Variants in AP2M1 observed in about 807,000 individuals in gnomAD.
AP2M1 encodes adaptor related protein complex 2 subunit mu 1, also known as AP-2 complex subunit mu.
A neutral mutation model predicts 54.5 loss-of-function variants in AP2M1; 5 were observed. That is an observed-to-expected ratio of 0.09 (90% confidence interval 0.05 to 0.19). AP2M1 has a LOEUF of 0.19. AP2M1 is among the 10% of genes least tolerant of loss of function. AP2M1 has a pLI of 1.00. For missense variants in AP2M1, 178 were observed against 580.2 expected (o/e 0.31, Z 7.12); for synonymous variants, 186 against 208.2 (o/e 0.89, Z 0.92).
chr3:184,178,831 A>G lies in AP2M1; in HGVS notation c.75-26A>G, dbSNP rs1306846097. ...GGTAAGGTTCACCTGGGTGCTGAGC[A>G]GGCCCTATGCACTCTTTTCCCTCAG... On this transcript the variant is annotated intron_variant, in intron 2 of 11. Transcript: ENST00000292807. This position sits in a 1 kb window ranked among gnomAD's most constrained non-coding sequence, Gnocchi z 4.9. 2 of 1,610,192 alleles carry G rather than the reference A, an allele frequency of 1.2e-6. No individual in the cohort carries two copies. The highest frequency in any genetic ancestry group is 2.2e-5 in the South Asian group (2 of 90,870).
chr3:184,180,361 TG>T lies in AP2M1; in HGVS notation c.423+111del. The T allele has an allele frequency of 4.4e-6, 6 of 1,365,780 alleles. No homozygotes were observed. Among genetic ancestry groups the T allele is most frequent in the Non-Finnish European group, 6.1e-6 (6 of 988,654 alleles). The allele number at this position is 1,365,780 out of a possible 1,614,324, so 84.6% of individuals were successfully genotyped here. On this transcript the variant is annotated intron_variant, in intron 4 of 11. Coordinates refer to ENST00000292807, the MANE Select transcript of AP2M1 (RefSeq NM_004068.4). This position sits in a 1 kb window ranked among gnomAD's most constrained non-coding sequence, Gnocchi z 4.9. ...TCATGAGCCCTCCCATGACAGGAAG[TG>T]CTGGCCTGAGCCTCCTGCCATGATT...
In AP2M1 at chr3:184,182,676, T is replaced by G. The variant is rs1715312915; in HGVS notation, c.1062-81T>G. 1.0e-5 allele frequency: 13 copies of G among 1,238,628 alleles called. No homozygotes were observed. Among genetic ancestry groups the G allele is most frequent in the Non-Finnish European group, 1.5e-5 (13 of 857,140 alleles). 76.7% of individuals were successfully genotyped at this position (1,238,628 alleles called of 1,614,324 possible). A position where few individuals can be genotyped will look rare whatever the true frequency, so the allele number is the denominator to read the frequency against. ...TGGCACCTCCTGCAAGCTCCTGGGC[T>G]CTCTCCTTGCTTGAAATGGGCAACT... On this transcript the variant is annotated intron_variant, in intron 10 of 11. Transcript: ENST00000292807. The surrounding 1 kb of genome is among the most constrained non-coding windows in gnomAD (Gnocchi z 5.5).
intron 1 of AP2M1, 55 bp downstream of exon 1, chr3:184,175,014 C>G (rs76118461): frequency 0.015 from 6,126 of 398,240 alleles, 342 homozygotes; most frequent in African/African-American, 0.11. Context: ...GGTCGTCTGC[C>G]TCGCCGCGCA....
In AP2M1 at chr3:184,182,740, T is replaced by TGTCC. The variant is rs1715315399; in HGVS notation, c.1062-16_1062-13dup. 6.2e-7 allele frequency: 1 copy of TGTCC among 1,610,532 alleles called. No homozygotes were observed. Among genetic ancestry groups the TGTCC allele is most frequent in the Non-Finnish European group, 8.5e-7 (1 of 1,177,188 alleles). On this transcript the variant is annotated splice_polypyrimidine_tract_variant and intron_variant, in intron 10 of 11. Coordinates refer to ENST00000292807, the MANE Select transcript of AP2M1 (RefSeq NM_004068.4). This position sits in a 1 kb window ranked among gnomAD's most constrained non-coding sequence, Gnocchi z 5.5. Reference sequence around the variant, plus strand: ...CTCCAAGCCCCAATGGGCTGCCCATTGTCCCTGTGTTCCCAGGATCAAGCG... The same window carrying TGTCC: ...CTCCAAGCCCCAATGGGCTGCCCATTGTCCGTCCCTGTGTTCCCAGGATCAAGCG...
At chr3:184,177,174 C>T in intron 2 of AP2M1, 107 bp downstream of exon 2, 1 of 1,109,506 alleles carries the variant, frequency 9.0e-7, no homozygotes, top group Non-Finnish European at 1.3e-6. Context: ...GCCACCCTGA[C>T]CCCTGGCTGC....
chr3:184,176,541 A>C (rs1246472831), intron 1 of AP2M1, among the ~76,000 whole-genome samples: 2 of 152,180 alleles, frequency 1.3e-5, no homozygotes, highest in African/African-American at 4.8e-5. Context: ...GGCCTGAACC[A>C]ACTGGAGTAA....
rs756119080 is a variant in AP2M1 at position 184,182,959 on chromosome 3, A to T, written c.1173+91A>T. On this transcript the variant is annotated intron_variant, in intron 11 of 11. Transcript: ENST00000292807. The surrounding 1 kb of genome is among the most constrained non-coding windows in gnomAD (Gnocchi z 5.5). ...GATAAACTGCTGCACCTTAGAGGTG[A>T]GGAAACTGAGGCCTAGAAAGAAGAA... The T allele has an allele frequency of 9.6e-7, 1 of 1,036,698 alleles. No homozygotes were observed. The highest frequency in any genetic ancestry group is 1.5e-6 in the Non-Finnish European group (1 of 673,770). 64.2% of individuals were successfully genotyped at this position (1,036,698 alleles called of 1,614,324 possible). A position where few individuals can be genotyped will look rare whatever the true frequency, so the allele number is the denominator to read the frequency against.
chr3:184,176,821 C>T (rs1715088617), intron 1 of AP2M1, 130 bp from the exon 2 acceptor site: 1 of 565,624 alleles, frequency 1.8e-6, no homozygotes, highest in Middle Eastern at 3.8e-4. Context: ...AGGGGCATGT[C>T]TGGGAGGGCT....
At chr3:184,176,707 G>C (rs1433942088) in intron 1 of AP2M1, 2 of 464,894 alleles carry the variant, frequency 4.3e-6, no homozygotes, top group Admixed American at 4.2e-5. Context: ...TCAGCCCCAG[G>C]AAAGGGAGGG....
chr3:184,178,084 G>GTCT lies in AP2M1; in HGVS notation c.75-771_75-769dup. On this transcript the variant is annotated intron_variant, in intron 2 of 11. Transcript: ENST00000292807. This position sits in a 1 kb window ranked among gnomAD's most constrained non-coding sequence, Gnocchi z 4.9. ...GGCCAGGTCACACGCCGCCTTGCCTGTCTTGTCTGCTTCTGCCTCACGGTG... is the reference window on the plus strand; with the variant it reads ...GGCCAGGTCACACGCCGCCTTGCCTGTCTTCTTGTCTGCTTCTGCCTCACGGTG... 1 of 1,171,632 alleles carries GTCT rather than the reference G, an allele frequency of 8.5e-7. No homozygotes were observed. The highest frequency in any genetic ancestry group is 1.3e-5 in the South Asian group (1 of 76,474). 72.6% of individuals were successfully genotyped at this position (1,171,632 alleles called of 1,614,324 possible).
At chr3:184,176,177 G>A (rs1226822872) in intron 1 of AP2M1, among the ~76,000 whole-genome samples, 1 of 152,040 alleles carries the variant, frequency 6.6e-6, no homozygotes, top group South Asian at 2.1e-4. Context: ...ATGAGCCTGC[G>A]CCACCCCCAC....
chr3:184,179,290 A>T, intron 3 of AP2M1, 168 bp downstream of exon 3: 1 of 814,602 alleles, frequency 1.2e-6, no homozygotes, highest in Non-Finnish European at 1.9e-6. Context: ...AGGCCAGTTC[A>T]CATCCAGACC....
chr3:184,182,002 C>T lies in AP2M1; in HGVS notation c.918C>T (p.Val306=). 6.2e-7 allele frequency: 1 copy of T among 1,614,140 alleles called. No individual in the cohort carries two copies. Among genetic ancestry groups the T allele is most frequent in the South Asian group, 1.1e-5 (1 of 91,062 alleles). ...GCACCAAACTGGAGGTCAAGGTGGT[C>T]ATCAAGTCCAACTTTAAACCCTCAC... is the stretch of plus-strand genomic sequence containing the variant. ...VGRTKLEVKV[V]IKSNFKPSLL... Residue 306 remains valine (V), a synonymous_variant, in exon 9 of 12, where the codon GTC becomes GTT. Coordinates refer to ENST00000292807, the MANE Select transcript of AP2M1 (RefSeq NM_004068.4). This position sits in a 1 kb window ranked among gnomAD's most constrained non-coding sequence, Gnocchi z 5.5.
Position 184,178,086 on chromosome 3 carries a change from C to A in AP2M1, c.75-771C>A. On this transcript the variant is annotated intron_variant, in intron 2 of 11. Coordinates refer to ENST00000292807, the MANE Select transcript of AP2M1 (RefSeq NM_004068.4). The surrounding 1 kb of genome is among the most constrained non-coding windows in gnomAD (Gnocchi z 4.9). Reference sequence around the variant, plus strand: ...CCAGGTCACACGCCGCCTTGCCTGTCTTGTCTGCTTCTGCCTCACGGTGTG... The same window carrying A: ...CCAGGTCACACGCCGCCTTGCCTGTATTGTCTGCTTCTGCCTCACGGTGTG... The A allele has an allele frequency of 1.7e-6, 2 of 1,165,344 alleles. No homozygotes were observed. The highest frequency in any genetic ancestry group is 1.2e-6 in the Non-Finnish European group (1 of 815,484). The allele number at this position is 1,165,344 out of a possible 1,614,324, so 72.2% of individuals were successfully genotyped here. A position where few individuals can be genotyped will look rare whatever the true frequency, so the allele number is the denominator to read the frequency against.
At chr3:184,175,119 G>C in intron 1 of AP2M1, 160 bp downstream of exon 1, 2 of 395,870 alleles carry the variant, frequency 5.1e-6, no homozygotes, top group Non-Finnish European at 8.9e-6. Flanking sequence ...CGGTGGGGCG[G>C]GGGCGCCCGG....
chr3:184,175,227 A>T (rs1280999694), intron 1 of AP2M1: 1 of 372,670 alleles, frequency 2.7e-6, no homozygotes, highest in Non-Finnish European at 4.8e-6. Flanking sequence ...CCAGAGCAGG[A>T]ACGCTGCGCA....
In AP2M1 at chr3:184,181,725, G is replaced by T; in HGVS notation, c.737G>T (p.Cys246Phe). The T allele has an allele frequency of 6.2e-7, 1 of 1,614,016 alleles. No homozygotes were observed. The highest frequency in any genetic ancestry group is 2.2e-5 in the East Asian group (1 of 44,874). The change falls in exon 8 of 12, where the codon TGC becomes TTC. Residue 246 changes from cysteine (C) to phenylalanine (F), a missense_variant. By Grantham distance (205) the Cys-to-Phe change is radical. Around this residue, in one of 5 missense-constraint regions of AP2M1, gnomAD observed 115 missense variants for 331.2 expected, o/e 0.35. Transcript: ENST00000292807. The surrounding 1 kb of genome is among the most constrained non-coding windows in gnomAD (Gnocchi z 5.7). ...AAGCAATCAATTGCCATTGATGACT[G>T]CACCTTCCACCAGTGTGTGCGACTC... is the stretch of plus-strand genomic sequence containing the variant. ...SGKQSIAIDDCTFHQCVRLSK... is the reference protein window; with the variant it reads ...SGKQSIAIDDFTFHQCVRLSK...
Position 184,182,332 on chromosome 3 carries a change from G to T in AP2M1, c.1061+84G>T. The T allele has an allele frequency of 7.0e-7, 1 of 1,435,184 alleles. No homozygotes were observed. The highest frequency in any genetic ancestry group is 2.4e-5 in the East Asian group (1 of 40,946). The allele number at this position is 1,435,184 out of a possible 1,614,324, so 88.9% of individuals were successfully genotyped here. The stretch of plus-strand genomic sequence containing the variant: ...TTTCAGCTTTGATCCTTCTGAATGA[G>T]GGGCAGGGGAGTGTGCCTGTTTGCT... On this transcript the variant is annotated intron_variant, in intron 10 of 11. Transcript: ENST00000292807. This position sits in a 1 kb window ranked among gnomAD's most constrained non-coding sequence, Gnocchi z 5.5.
At position 184,178,738 on chromosome 3, in the gene AP2M1, G is replaced by T; in HGVS notation, c.75-119G>T. 7.7e-7 allele frequency: 1 copy of T among 1,300,732 alleles called. No individual in the cohort carries two copies. The allele number at this position is 1,300,732 out of a possible 1,614,324, so 80.6% of individuals were successfully genotyped here. A position where few individuals can be genotyped will look rare whatever the true frequency, so the allele number is the denominator to read the frequency against. On this transcript the variant is annotated intron_variant, in intron 2 of 11. Coordinates refer to ENST00000292807, the MANE Select transcript of AP2M1 (RefSeq NM_004068.4). The surrounding 1 kb of genome is among the most constrained non-coding windows in gnomAD (Gnocchi z 4.9). Reference sequence around the variant, plus strand: ...GTGGTTTAGGCATTGGCTTTCTTTGGAGTGTGTGTGTCAGACTTCTGCAGA... The same window carrying T: ...GTGGTTTAGGCATTGGCTTTCTTTGTAGTGTGTGTGTCAGACTTCTGCAGA...
Sources: allele counts gnomAD v4.1 joint callset (sites outside exome capture counted in the v4.1 genomes callset), GRCh38; gene constraint gnomAD v4.1.1; regional missense constraint gnomAD v4.1.1; non-coding constraint Gnocchi (gnomAD v3.1); transcripts MANE v1.5; gene names NCBI Gene and HGNC (gene_info 2026-07-23, HGNC 2026-07-21).